Variants in SNX13 observed in about 807,000 individuals in gnomAD.
The protein encoded by SNX13 is sorting nexin 13, also known as sorting nexin-13.
Under a neutral mutation model 133.6 loss-of-function variants are expected in SNX13, and 45 were observed. The ratio of observed to expected loss-of-function variants is 0.34; its 90% CI spans 0.27 to 0.43. The LOEUF is 0.43. Among genes scored for constraint, SNX13 ranks in the 20% least tolerant of loss-of-function variants. The pLI is 1.00. For synonymous variants in SNX13, 414 were observed against 373.9 expected, an observed-to-expected ratio of 1.11 and a Z score of -1.24; for missense variants, 1,032 against 1,145.1, an observed-to-expected ratio of 0.90 and a Z score of 1.43.
At chr7:17,900,167 G>C (rs1275395955) in intron 1 of SNX13, 1 of 152,260 alleles carries the variant, frequency 6.6e-6, no homozygotes, top group Non-Finnish European at 1.5e-5. Context: ...CTCCCAAACA[G>C]AGTCAGTCTC....
chr7:17,828,048 T>C (rs945074456), intron 16 of SNX13, among the ~76,000 whole-genome samples: 1 of 151,806 alleles, frequency 6.6e-6, no homozygotes, highest in Admixed American at 6.6e-5. Context: ...TCTTTAAACA[T>C]GTTAGCATCT....
At chr7:17,903,556 G>A (rs915902845) in intron 1 of SNX13, among the ~76,000 whole-genome samples, 11 of 152,072 alleles carry the variant, frequency 7.2e-5, no homozygotes, top group African/African-American at 2.7e-4. Context: ...TATGTCATGT[G>A]GTTACTGTGG....
At chr7:17,882,942 C>G (rs1344100515) in intron 5 of SNX13, 2 of 702,140 alleles carry the variant, frequency 2.8e-6, no homozygotes, top group Admixed American at 4.0e-5. Context: ...CAGGGCGAGA[C>G]TCTGTCTCAA....
intron 9 of SNX13, among the ~76,000 whole-genome samples, chr7:17,859,863 A>G (rs73081367): frequency 0.049 from 7,500 of 152,266 alleles, 242 homozygotes; most frequent in South Asian, 0.1. Flanking sequence ...ATAATATTTT[A>G]CTGTATGTAT....
chr7:17,893,733 G>A (rs1186889487), intron 2 of SNX13, among the ~76,000 whole-genome samples: 1 of 152,106 alleles, frequency 6.6e-6, no homozygotes, highest in African/African-American at 2.4e-5. Context: ...CCAGCACTTT[G>A]GGAGGCCAAG....
intron 12 of SNX13, among the ~76,000 whole-genome samples, 172 bp from the exon 13 acceptor site, chr7:17,840,172 T>TA (rs1338298154): frequency 6.6e-6 from 1 of 152,056 alleles, no homozygotes; most frequent in African/African-American, 2.4e-5. Flanking sequence ...TTAGTTACGC[T>TA]AAAAAACCAG....
At chr7:17,827,757 A>C (rs1401069876) in intron 16 of SNX13, among the ~76,000 whole-genome samples, 1 of 151,876 alleles carries the variant, frequency 6.6e-6, no homozygotes, top group Non-Finnish European at 1.5e-5. Context: ...CATACTGGGA[A>C]TGAAAATGCT....
chr7:17,905,704 C>T (rs1014780226), intron 1 of SNX13, among the ~76,000 whole-genome samples: 2 of 152,196 alleles, frequency 1.3e-5, no homozygotes, highest in African/African-American at 2.4e-5. Context: ...AGTGTACCCA[C>T]AGGGAAAGTA....
intron 12 of SNX13, among the ~76,000 whole-genome samples, chr7:17,844,241 T>C (rs947294113): frequency 1.3e-5 from 2 of 151,950 alleles, no homozygotes; most frequent in African/African-American, 2.4e-5. Flanking sequence ...GGGATATTAC[T>C]AATGACTCTA....
intron 1 of SNX13, among the ~76,000 whole-genome samples, chr7:17,915,784 T>C (rs956471237): frequency 2.6e-5 from 4 of 152,202 alleles, no homozygotes; most frequent in African/African-American, 9.6e-5. Flanking sequence ...CTTAAGTTAA[T>C]TTGACACTTG....
intron 8 of SNX13, among the ~76,000 whole-genome samples, chr7:17,871,467 A>C (rs1029188781): frequency 1.3e-5 from 2 of 152,086 alleles, no homozygotes; most frequent in African/African-American, 4.8e-5. Flanking sequence ...TTATGCCTTA[A>C]CCTTTGAGTT....
chr7:17,802,697 A>G (rs1377254676), intron 21 of SNX13, among the ~76,000 whole-genome samples: 1 of 152,156 alleles, frequency 6.6e-6, no homozygotes, highest in Non-Finnish European at 1.5e-5. Context: ...TGGCCCTTAC[A>G]TTAAAGAAAA....
chr7:17,826,520 A>C (rs1384917104), intron 16 of SNX13, among the ~76,000 whole-genome samples: 1 of 152,062 alleles, frequency 6.6e-6, no homozygotes, highest in Admixed American at 6.6e-5. Flanking sequence ...TTTTAAATTT[A>C]ATTCAGATTC....
chr7:17,823,403 G>A (rs983398898), intron 17 of SNX13, among the ~76,000 whole-genome samples: 3 of 152,036 alleles, frequency 2.0e-5, no homozygotes, highest in South Asian at 2.1e-4. Flanking sequence ...TTGCTATTTC[G>A]TATATAACTG....
rs552634193 is a variant in SNX13 at position 17,793,186 on chromosome 7, C to A, written c.*859G>T. The A allele has an allele frequency of 4.6e-5, 7 of 152,284 alleles. No homozygotes were observed. Among genetic ancestry groups the A allele is most frequent in the African/African-American group, 1.7e-4 (7 of 41,494 alleles). 9.4% of individuals were successfully genotyped at this position (152,284 alleles called of 1,614,324 possible). A position where few individuals can be genotyped will look rare whatever the true frequency, so the allele number is the denominator to read the frequency against. ...TTAAATTTCCATATTTTTAGAAGGACAAAATGTATTTGGCAGTTCTTCCAA... is the reference window on the plus strand; with the variant it reads ...TTAAATTTCCATATTTTTAGAAGGAAAAAATGTATTTGGCAGTTCTTCCAA... On this transcript the variant is annotated 3_prime_UTR_variant, in exon 26 of 26. Coordinates refer to ENST00000428135, the MANE Select transcript of SNX13 (RefSeq NM_015132.5).
At chr7:17,928,415 T>A (rs954896507) in intron 1 of SNX13, among the ~76,000 whole-genome samples, 2 of 152,158 alleles carry the variant, frequency 1.3e-5, no homozygotes, top group African/African-American at 2.4e-5. Flanking sequence ...TTCTATGACA[T>A]AAGTTATACT....
At chr7:17,859,044 T>C (rs1792288680) in intron 9 of SNX13, among the ~76,000 whole-genome samples, 1 of 152,034 alleles carries the variant, frequency 6.6e-6, no homozygotes, top group Non-Finnish European at 1.5e-5. Flanking sequence ...CAAACAAGGA[T>C]TTCCTAGAGA....
At chr7:17,878,931 A>G (rs1795034595) in intron 5 of SNX13, among the ~76,000 whole-genome samples, 1 of 152,074 alleles carries the variant, frequency 6.6e-6, no homozygotes, top group African/African-American at 2.4e-5. Flanking sequence ...CCTACTCTCC[A>G]TAAATTTTCC....
At chr7:17,852,366 C>T (rs1413974060) in intron 9 of SNX13, among the ~76,000 whole-genome samples, 1 of 151,496 alleles carries the variant, frequency 6.6e-6, no homozygotes, top group Non-Finnish European at 1.5e-5. Flanking sequence ...GAGTGAGATT[C>T]CGTCTCAAAA....
Sources: allele counts gnomAD v4.1 joint callset (sites outside exome capture counted in the v4.1 genomes callset), GRCh38; gene constraint gnomAD v4.1.1; transcripts MANE v1.5; gene names NCBI Gene and HGNC (gene_info 2026-07-23, HGNC 2026-07-21).